Variants in MINAR1 observed in about 807,000 individuals in gnomAD.
MINAR1 encodes membrane integral NOTCH2 associated receptor 1.
MINAR1 carries 40 observed loss-of-function variants against 65.1 expected under a neutral mutation model. The observed-to-expected ratio is 0.61, with a 90% CI of 0.48 to 0.80. MINAR1 has a LOEUF of 0.80. MINAR1 is among the 30% of genes least tolerant of loss of function. The pLI, the probability that MINAR1 is intolerant of heterozygous loss-of-function variation, is 0.00. For missense variants in MINAR1, 1,128 were observed against 1,148.0 expected, an observed-to-expected ratio of 0.98 and a Z score of 0.25; for synonymous variants, 482 against 449.1, an observed-to-expected ratio of 1.07 and a Z score of -0.93.
At position 79,458,198 on chromosome 15, in the gene MINAR1, C is replaced by G. The variant is rs752557031; in HGVS notation, c.2051C>G (p.Ser684Cys). 1 of 1,614,142 alleles carries G rather than the reference C, an allele frequency of 6.2e-7. No individual in the cohort carries two copies. Among genetic ancestry groups the G allele is most frequent in the South Asian group, 1.1e-5 (1 of 91,072 alleles). The change falls in exon 2 of 4, where the codon TCT becomes TGT. Residue 684 changes from serine to cysteine, a missense_variant. Coordinates refer to ENST00000305428, the MANE Select transcript of MINAR1 (RefSeq NM_015206.3). ...GAGAACAACCCTGACTGGTGCTGCT[C>G]TGATGCTAGCGGGAGCAACAGTGAA... ...KLENNPDWCCSDASGSNSESL... is the reference protein window; with the variant it reads ...KLENNPDWCCCDASGSNSESL...
In MINAR1 at chr15:79,469,280, A is replaced by G. The variant is rs1405183377; in HGVS notation, c.*896A>G. The G allele has an allele frequency of 1.3e-5, 2 of 152,632 alleles. No individual in the cohort carries two copies. Among genetic ancestry groups the G allele is most frequent in the Non-Finnish European group, 2.9e-5 (2 of 68,040 alleles). 9.5% of individuals were successfully genotyped at this position (152,632 alleles called of 1,614,324 possible). A position where few individuals can be genotyped will look rare whatever the true frequency, so the allele number is the denominator to read the frequency against. ...TCATACATGAGTTGAAGAGTTTGGA[A>G]CTTGTCCTTGTGCCTTGAAGAGTAG... is the stretch of plus-strand genomic sequence containing the variant. On this transcript the variant is annotated 3_prime_UTR_variant, in exon 4 of 4. Coordinates refer to ENST00000305428, the MANE Select transcript of MINAR1 (RefSeq NM_015206.3).
rs756696344 is a variant in MINAR1, at chr15:79,463,260, C to A, written c.2492C>A (p.Thr831Asn). 3.7e-6 allele frequency: 6 copies of A among 1,614,064 alleles called. No individual in the cohort carries two copies. The African/African-American group carries it at 5.3e-5, about 14-fold the overall frequency. The change falls in exon 3 of 4, where the codon ACC (threonine) becomes AAC (asparagine). Residue 831 changes from threonine (T) to asparagine (N), a missense_variant. Thr to Asn is a moderately conservative substitution (Grantham distance 65). Transcript: ENST00000305428. ...GTGAAGCGGGGCCAACCTTCTTGGA[C>A]CATTGAGGAGTATGCACGGAATGCG... ...AEVKRGQPSWTIEEYARNAGD... is the reference protein window; with the variant it reads ...AEVKRGQPSWNIEEYARNAGD...
intron 1 of MINAR1, among the ~76,000 whole-genome samples, chr15:79,433,599 A>G (rs1204047516): frequency 6.6e-6 from 1 of 152,172 alleles, no homozygotes; most frequent in Non-Finnish European, 1.5e-5. Context: ...GGGCTCTGCA[A>G]TTTTATGCTC....
chr15:79,428,149 C>T (rs1464219577), upstream of MINAR1, among the ~76,000 whole-genome samples: 2 of 151,770 alleles, frequency 1.3e-5, no homozygotes, highest in Non-Finnish European at 2.9e-5. Flanking sequence ...TCCTTCCTTC[C>T]TTCCTTCCTT....
chr15:79,416,856 G>A, the MINAR1 span: 7 of 152,170 alleles, frequency 4.6e-5, no homozygotes, highest in African/African-American at 1.4e-4. Flanking sequence ...GGTAAAAGAG[G>A]CCATTAGTGT....
the MINAR1 span, chr15:79,416,989 A>C: frequency 6.6e-6 from 1 of 152,186 alleles, no homozygotes; most frequent in South Asian, 2.1e-4. Context: ...CTACCTTCCC[A>C]GGGATTTGTG....
chr15:79,458,285 CAGA>C lies in MINAR1; in HGVS notation c.2139_2141del (p.Glu715del). Reference sequence around the variant, plus strand: ...ACCAGGCCATCCTCTAGGTCCCTAACAGAGGAGAACAGTGCCACAGAGTCCAAA... The same window carrying C: ...ACCAGGCCATCCTCTAGGTCCCTAACGGAGAACAGTGCCACAGAGTCCAAA... On this transcript the variant is annotated inframe_deletion, in exon 2 of 4. Coordinates refer to ENST00000305428, the MANE Select transcript of MINAR1 (RefSeq NM_015206.3). The C allele has an allele frequency of 6.2e-7, 1 of 1,614,134 alleles. No homozygotes were observed. The highest frequency in any genetic ancestry group is 8.5e-7 in the Non-Finnish European group (1 of 1,180,026).
chr15:79,419,786 TAA>T, the MINAR1 span: 1 of 152,132 alleles, frequency 6.6e-6, no homozygotes, highest in African/African-American at 2.4e-5. Context: ...AATCATGGTT[TAA>T]GAGAGAAAAA....
chr15:79,469,992 G>C lies in MINAR1; in HGVS notation c.*1608G>C, dbSNP rs987212136. The stretch of plus-strand genomic sequence containing the variant: ...CTGATTCTGTTGTTCACCATTAAGG[G>C]GTAGACAGTTAATTTTATTATGTTA... On this transcript the variant is annotated 3_prime_UTR_variant, in exon 4 of 4. Coordinates refer to ENST00000305428, the MANE Select transcript of MINAR1 (RefSeq NM_015206.3). 1 of 152,518 alleles carries C rather than the reference G, an allele frequency of 6.6e-6. No homozygotes were observed. The highest frequency in any genetic ancestry group is 2.4e-5 in the African/African-American group (1 of 41,410). 9.4% of individuals were successfully genotyped at this position (152,518 alleles called of 1,614,324 possible).
chr15:79,448,943 G>A (rs1461565102), intron 1 of MINAR1, among the ~76,000 whole-genome samples: 3 of 152,116 alleles, frequency 2.0e-5, no homozygotes, highest in Admixed American at 6.5e-5. Flanking sequence ...TTGAATATGC[G>A]TAAGATTGTG....
chr15:79,467,926 G>A (rs1428943597), intron 3 of MINAR1, among the ~76,000 whole-genome samples: 3 of 152,106 alleles, frequency 2.0e-5, no homozygotes, highest in Non-Finnish European at 1.5e-5. Context: ...CTTGCTTACA[G>A]ATAAAAGACC....
rs1164072761 is a variant in MINAR1 at position 79,432,359 on chromosome 15, G to T, written c.-232G>T. 2.0e-5 allele frequency among the ~76,000 whole-genome samples: 3 copies of T among 152,144 alleles called. No individual in the cohort carries two copies. Among genetic ancestry groups the T allele is most frequent in the Non-Finnish European group, 2.9e-5 (2 of 67,992 alleles). ...GCAGACCTGGACTCGGGCGGCGGAG[G>T]CGAAAGTCGCTCCATCCGCGGGGTG... is the stretch of plus-strand genomic sequence containing the variant. On this transcript the variant is annotated 5_prime_UTR_variant, in exon 1 of 4. Transcript: ENST00000305428.
chr15:79,456,708 C>T lies in MINAR1; in HGVS notation c.561C>T (p.Asn187=), dbSNP rs1895430037. ...TGGGAGTTAGCAAAGAGGTGAAAAA[C>T]CGCGCCGCTTCCCTGGACAGGTTGC... ...FLLGVSKEVK[N]RAASLDRLQA... Residue 187 remains asparagine, a synonymous_variant, in exon 2 of 4, where the codon AAC becomes AAT. Coordinates refer to ENST00000305428, the MANE Select transcript of MINAR1 (RefSeq NM_015206.3). 1 of 1,614,180 alleles carries T rather than the reference C, an allele frequency of 6.2e-7. No individual in the cohort carries two copies. The highest frequency in any genetic ancestry group is 8.5e-7 in the Non-Finnish European group (1 of 1,180,040).
At chr15:79,430,680 C>G (rs575834423), upstream of MINAR1, among the ~76,000 whole-genome samples, 64 of 152,296 alleles carry the variant, frequency 4.2e-4, no homozygotes, top group Non-Finnish European at 8.2e-4. Context: ...AAACTTCACT[C>G]CTACTTTACA....
rs774599135 is a variant in MINAR1, at chr15:79,457,884, C to T, written c.1737C>T (p.Gly579=). 2.5e-6 allele frequency: 4 copies of T among 1,614,118 alleles called. No individual in the cohort carries two copies. The highest frequency in any genetic ancestry group is 3.4e-6 in the Non-Finnish European group (4 of 1,180,038). ...NGVPNSKGDK[G]NRPENTHHSE... is the part of the protein sequence containing the mutation. ...TCCCCAACAGCAAGGGAGACAAGGG[C>T]AACCGGCCTGAAAACACCCACCACT... The change falls in exon 2 of 4, where the codon GGC becomes GGT. Residue 579 remains glycine (G), a synonymous_variant. Coordinates refer to ENST00000305428, the MANE Select transcript of MINAR1 (RefSeq NM_015206.3).
chr15:79,411,583 C>T, the MINAR1 span: 2 of 689,238 alleles, frequency 2.9e-6, no homozygotes, highest in South Asian at 3.0e-5. Context: ...GAAGCTGCTG[C>T]ACAGAGCTAC....
Position 79,468,340 on chromosome 15 carries a change from G to A in MINAR1, c.2707G>A (p.Val903Ile), listed in dbSNP as rs201676825. 94 of 1,613,954 alleles carry A rather than the reference G, an allele frequency of 5.8e-5. No homozygotes were observed. Among genetic ancestry groups the A allele is most frequent in the Middle Eastern group, 3.3e-4 (2 of 6,084 alleles). The change falls in exon 4 of 4, where the codon GTC (valine) becomes ATC (isoleucine). Residue 903 changes from valine to isoleucine, a missense_variant. Physicochemically the swap from Val to Ile is conservative, Grantham distance 29. Transcript: ENST00000305428. ...TCTGATCGCTGCTGCGGCATGCACC[G>A]TCATCCTCGTTATTGTCGTGCCCAT... ...AALIAAAACT[V>I]ILVIVVPICT...
At chr15:79,458,663 C>T (rs1193889408) in intron 2 of MINAR1, among the ~76,000 whole-genome samples, 3 of 152,164 alleles carry the variant, frequency 2.0e-5, no homozygotes, top group Non-Finnish European at 2.9e-5. Flanking sequence ...GGAGCACATG[C>T]TGCGATATTG....
chr15:79,446,694 A>G (rs1895031924), intron 1 of MINAR1, among the ~76,000 whole-genome samples: 1 of 152,088 alleles, frequency 6.6e-6, no homozygotes, highest in Non-Finnish European at 1.5e-5. Context: ...TGTCTTATTT[A>G]GTATTTATAT....
Sources: gnomAD v4.1 joint callset for allele counts (sites outside exome capture counted in the v4.1 genomes callset) on GRCh38, gnomAD v4.1.1 for gene constraint, MANE v1.5 for transcripts, NCBI Gene and HGNC (gene_info 2026-07-23, HGNC 2026-07-21) for gene names.